The following CUEDC1 variants were observed in gnomAD, a reference collection of about 807,000 sequenced individuals.
CUEDC1 encodes the protein CUE domain-containing protein 1.
A neutral mutation model predicts 43.7 loss-of-function variants in CUEDC1; 30 were observed. The ratio of observed to expected loss-of-function variants is 0.69; its 90% CI spans 0.51 to 0.93. CUEDC1 has a LOEUF of 0.93. CUEDC1 is among the 40% of genes least tolerant of loss of function. The pLI is 0.00. For missense variants in CUEDC1, 486 were observed against 549.0 expected, an observed-to-expected ratio of 0.89 and a Z score of 1.15; for synonymous variants, 223 against 223.6, an observed-to-expected ratio of 1.00 and a Z score of 0.02.
At chr17:57,876,616 A>G (rs1300864198) in intron 3 of CUEDC1, among the ~76,000 whole-genome samples, 1 of 152,214 alleles carries the variant, frequency 6.6e-6, no homozygotes, top group African/African-American at 2.4e-5. Context: ...GCACCTGCGT[A>G]TGGCAGGCAA....
chr17:57,875,003 G>C (rs970084832), intron 3 of CUEDC1, among the ~76,000 whole-genome samples: 6 of 152,098 alleles, frequency 3.9e-5, no homozygotes, highest in Non-Finnish European at 7.4e-5. Flanking sequence ...AGACACAGGG[G>C]GAGAGGGAAT....
intron 7 of CUEDC1, 152 bp from the exon 8 acceptor site, chr17:57,868,395 C>T (rs918497196): frequency 4.5e-6 from 3 of 666,768 alleles, no homozygotes; most frequent in African/African-American, 3.6e-5. Context: ...GGAGAGATGA[C>T]AGGAATCGCA....
intron 1 of CUEDC1, among the ~76,000 whole-genome samples, chr17:57,952,491 T>C (rs1466385203): frequency 6.6e-6 from 1 of 151,724 alleles, no homozygotes; most frequent in Non-Finnish European, 1.5e-5. Flanking sequence ...CCTCCCAGAG[T>C]GGTGGGATTA....
intron 1 of CUEDC1, among the ~76,000 whole-genome samples, chr17:57,942,400 G>C (rs540467161): frequency 6.6e-6 from 1 of 151,968 alleles, no homozygotes; most frequent in Non-Finnish European, 1.5e-5. Context: ...GGTTTGATTT[G>C]TTTTTTGAGA....
intron 1 of CUEDC1, among the ~76,000 whole-genome samples, chr17:57,907,123 G>T (rs1236056534): frequency 6.6e-6 from 1 of 152,164 alleles, no homozygotes; most frequent in Admixed American, 6.5e-5. Flanking sequence ...GAGTGGGCTG[G>T]GAGACAATGA....
At chr17:57,874,537 C>G (rs1057169940) in intron 3 of CUEDC1, among the ~76,000 whole-genome samples, 1 of 152,170 alleles carries the variant, frequency 6.6e-6, no homozygotes, top group Non-Finnish European at 1.5e-5. Flanking sequence ...GTGGCACACA[C>G]CCTCCCTGAC....
chr17:57,942,347 A>C (rs747193299), intron 1 of CUEDC1, among the ~76,000 whole-genome samples: 1 of 152,110 alleles, frequency 6.6e-6, no homozygotes, highest in Non-Finnish European at 1.5e-5. Flanking sequence ...TGTAGGTCAA[A>C]AACTATTTTT....
rs192147203 is a variant in CUEDC1, at chr17:57,861,645, C to T, written c.*1644G>A. 2,355 of 152,458 alleles carry T rather than the reference C, an allele frequency of 0.015. 27 individuals are homozygous for T. The highest frequency in any genetic ancestry group is 0.026 in the Non-Finnish European group (1,778 of 68,150). 9.4% of individuals were successfully genotyped at this position (152,458 alleles called of 1,614,324 possible). On this transcript the variant is annotated 3_prime_UTR_variant, in exon 11 of 11. Coordinates refer to ENST00000577830, the MANE Select transcript of CUEDC1 (RefSeq NM_001271875.2). Reference sequence around the variant, plus strand: ...TTACAGGAATTCCTATGAAACAGCTCCAAGAAAAAACCCACACATAGGAGG... The same window carrying T: ...TTACAGGAATTCCTATGAAACAGCTTCAAGAAAAAACCCACACATAGGAGG...
Position 57,879,841 on chromosome 17 carries a change from C to T in CUEDC1, c.337-103G>A, listed in dbSNP as rs2074180033. The T allele has an allele frequency of 2.5e-6, 3 of 1,195,052 alleles. No individual in the cohort carries two copies. The South Asian group carries it at 4.2e-5, about 17-fold the overall frequency. The allele number at this position is 1,195,052 out of a possible 1,614,324, so 74.0% of individuals were successfully genotyped here. On this transcript the variant is annotated intron_variant, in intron 2 of 10. Transcript: ENST00000577830. ...TGGGAGGGCAGGTATAATAAAGGAA[C>T]TCTGTGTGTTGCTAGTGGGAGTGTA...
intron 1 of CUEDC1, among the ~76,000 whole-genome samples, chr17:57,889,681 G>C (rs1396910794): frequency 1.3e-5 from 2 of 152,240 alleles, no homozygotes; most frequent in Non-Finnish European, 2.9e-5. Context: ...TGGATGAGGA[G>C]AGTGGCTCAG....
intron 1 of CUEDC1, among the ~76,000 whole-genome samples, chr17:57,916,998 G>C (rs979820877): frequency 6.6e-6 from 1 of 152,184 alleles, no homozygotes; most frequent in Admixed American, 6.5e-5. Context: ...CCTAGGAGAG[G>C]CCCACAAGAA....
At chr17:57,866,579 C>A (rs1206202766) in intron 9 of CUEDC1, 35 bp from the exon 10 acceptor site, 3 of 1,609,540 alleles carry the variant, frequency 1.9e-6, no homozygotes, top group Non-Finnish European at 2.6e-6. Flanking sequence ...CATCCTCTAC[C>A]CTGCAGGGCC....
chr17:57,864,104 A>T (rs2073922068), intron 10 of CUEDC1, among the ~76,000 whole-genome samples: 1 of 152,088 alleles, frequency 6.6e-6, no homozygotes, highest in Non-Finnish European at 1.5e-5. Context: ...TGGGATAATC[A>T]GAGTAGGTAG....
intron 7 of CUEDC1, 142 bp from the exon 8 acceptor site, chr17:57,868,385 G>A (rs2073990342): frequency 1.4e-6 from 1 of 704,386 alleles, no homozygotes. Context: ...AGCTGAGGAG[G>A]GAGAGATGAC....
chr17:57,908,016 C>T (rs983172894), intron 1 of CUEDC1, among the ~76,000 whole-genome samples: 1 of 152,034 alleles, frequency 6.6e-6, no homozygotes, highest in African/African-American at 2.4e-5. Context: ...ACCGTTGTGA[C>T]TGGACCTCGT....
chr17:57,881,177 TACAC>T (rs148985762), intron 2 of CUEDC1, among the ~76,000 whole-genome samples: 12 of 152,118 alleles, frequency 7.9e-5, no homozygotes, highest in South Asian at 2.1e-4. Flanking sequence ...TGAGCACACA[TACAC>T]ACACACGCGC....
intron 1 of CUEDC1, among the ~76,000 whole-genome samples, chr17:57,917,604 G>A (rs1476016663): frequency 1.3e-5 from 2 of 152,228 alleles, no homozygotes; most frequent in African/African-American, 4.8e-5. Context: ...ATGAGAGAGA[G>A]GCCTTTCTTC....
rs2074333322 is a variant in CUEDC1 at position 57,889,498 on chromosome 17, A to G, written c.-315-3619T>C. 2.0e-5 allele frequency among the ~76,000 whole-genome samples: 3 copies of G among 152,340 alleles called. No individual in the cohort carries two copies. In the South Asian group the frequency reaches 6.2e-4, roughly 32 times the overall value. On this transcript the variant is annotated intron_variant, in intron 1 of 10. Coordinates refer to ENST00000577830, the MANE Select transcript of CUEDC1 (RefSeq NM_001271875.2). ...ATTTGGCCCAAGTGCAAAGCTTTGA[A>G]AGCATCCTTGTGGGGACCACAAAAT...
intron 1 of CUEDC1, among the ~76,000 whole-genome samples, chr17:57,929,053 C>T (rs1452512884): frequency 6.6e-6 from 1 of 152,086 alleles, no homozygotes; most frequent in Admixed American, 6.5e-5. Context: ...GTTTTAAAGG[C>T]CACCGTCTGT....
Sources: gnomAD v4.1 joint callset for allele counts (sites outside exome capture counted in the v4.1 genomes callset) on GRCh38, gnomAD v4.1.1 for gene constraint, MANE v1.5 for transcripts, NCBI Gene and HGNC (gene_info 2026-07-23, HGNC 2026-07-21) for gene names.